Variants in ATAD2B observed in about 807,000 individuals in gnomAD.
ATAD2B encodes the protein ATPase family AAA domain-containing protein 2B.
A neutral mutation model predicts 167.6 loss-of-function variants in ATAD2B; 40 were observed. The observed-to-expected ratio is 0.24, with a 90% confidence interval of 0.19 to 0.31. The LOEUF (loss-of-function observed/expected upper bound fraction) is 0.31, where lower values mean the gene tolerates loss of function less well. Ranked by LOEUF, ATAD2B falls within the 10% of genes least tolerant of loss-of-function variation. ATAD2B has a pLI of 1.00. For missense variants in ATAD2B, 1,242 were observed against 1,757.2 expected, an observed-to-expected ratio of 0.71 and a Z score of 5.24; for synonymous variants, 579 against 596.5, an observed-to-expected ratio of 0.97 and a Z score of 0.43.
chr2:23,784,395 T>G (rs867301954), intron 21 of ATAD2B, among the ~76,000 whole-genome samples: 1 of 152,104 alleles, frequency 6.6e-6, no homozygotes, highest in African/African-American at 2.4e-5. Context: ...GAGACTCCTA[T>G]GTTCTCAGCT....
chr2:23,682,380 G>A, the ATAD2B span, among the ~76,000 whole-genome samples: 2 of 152,154 alleles, frequency 1.3e-5, no homozygotes, highest in Admixed American at 6.5e-5. The surrounding 1 kb of genome is among the most constrained non-coding windows in gnomAD (Gnocchi z 4.1). Flanking sequence ...GAGGCCCAGT[G>A]CAGGTTCACC....
the ATAD2B span, among the ~76,000 whole-genome samples, chr2:23,701,792 G>T: frequency 0.19 from 6,561 of 34,920 alleles, 701 homozygotes; most frequent in East Asian, 0.42. Flanking sequence ...GCTTTTTTTT[G>T]CTTTTTTTTT....
At chr2:23,773,330 A>G (rs941713654) in intron 22 of ATAD2B, among the ~76,000 whole-genome samples, 2 of 151,922 alleles carry the variant, frequency 1.3e-5, no homozygotes, top group African/African-American at 2.4e-5. Flanking sequence ...ACATAGGGAG[A>G]CCCCATCTCT....
intron 22 of ATAD2B, among the ~76,000 whole-genome samples, chr2:23,779,152 G>A (rs1379301444): frequency 1.3e-5 from 2 of 150,258 alleles, no homozygotes; most frequent in East Asian, 3.9e-4. Context: ...TGATGCTGTT[G>A]GTATAATTTT....
intron 22 of ATAD2B, among the ~76,000 whole-genome samples, chr2:23,781,236 C>T (rs1331803549): frequency 6.6e-6 from 1 of 151,952 alleles, no homozygotes; most frequent in Non-Finnish European, 1.5e-5. Flanking sequence ...TCAGACAAGG[C>T]CACCCTGTGC....
At chr2:23,696,545 C>T in the ATAD2B span, 3 of 1,459,712 alleles carry the variant, frequency 2.1e-6, no homozygotes, top group Non-Finnish European at 2.7e-6. This position sits in a 1 kb window ranked among gnomAD's most constrained non-coding sequence, Gnocchi z 5.5. Flanking sequence ...CAGGGGCATG[C>T]TCTTTGCTCA....
the ATAD2B span, among the ~76,000 whole-genome samples, chr2:23,742,143 T>C: frequency 6.6e-6 from 1 of 152,208 alleles, no homozygotes; most frequent in Non-Finnish European, 1.5e-5. Context: ...GAAGTCAGTG[T>C]GGCGATTCCT....
chr2:23,842,064 G>A (rs557345097), intron 13 of ATAD2B, among the ~76,000 whole-genome samples: 1 of 152,134 alleles, frequency 6.6e-6, no homozygotes, highest in Admixed American at 6.5e-5. Flanking sequence ...TTGCCAATCT[G>A]ACAATCTTTG....
chr2:23,733,182 T>C, the ATAD2B span, among the ~76,000 whole-genome samples: 1 of 152,206 alleles, frequency 6.6e-6, no homozygotes, highest in African/African-American at 2.4e-5. Flanking sequence ...CCTGTGTCCC[T>C]GTCTAGTTAT....
chr2:23,771,983 G>A (rs1381172845), intron 22 of ATAD2B, among the ~76,000 whole-genome samples: 1 of 152,148 alleles, frequency 6.6e-6, no homozygotes, highest in Non-Finnish European at 1.5e-5. Context: ...ATATGCCTGG[G>A]CTGCTCCTCC....
At chr2:23,711,220 C>A in the ATAD2B span, among the ~76,000 whole-genome samples, 1 of 151,170 alleles carries the variant, frequency 6.6e-6, no homozygotes, top group Non-Finnish European at 1.5e-5. Context: ...GAATTGCAGG[C>A]AATTTTTCTT....
At chr2:23,797,928 C>T (rs957817415) in intron 19 of ATAD2B, among the ~76,000 whole-genome samples, 1 of 152,042 alleles carries the variant, frequency 6.6e-6, no homozygotes, top group Non-Finnish European at 1.5e-5. Flanking sequence ...TTATCTCAAT[C>T]TTTATAACAA....
chr2:23,836,784 T>C (rs1690051977), intron 13 of ATAD2B, among the ~76,000 whole-genome samples: 1 of 151,894 alleles, frequency 6.6e-6, no homozygotes, highest in African/African-American at 2.4e-5. Flanking sequence ...AGGGGGTAGC[T>C]CCTCTCTGAA....
chr2:23,757,169 C>T (rs888182402), intron 25 of ATAD2B, among the ~76,000 whole-genome samples: 1 of 152,088 alleles, frequency 6.6e-6, no homozygotes, highest in South Asian at 2.1e-4. Context: ...GAAGAGTAAG[C>T]GGCCAGTAAA....
chr2:23,694,383 C>T, the ATAD2B span, among the ~76,000 whole-genome samples: 2 of 152,200 alleles, frequency 1.3e-5, no homozygotes, highest in East Asian at 3.9e-4. Flanking sequence ...TTCCTCCTCT[C>T]GCCAGGATTA....
intron 8 of ATAD2B, chr2:23,872,955 G>A (rs1251255650): frequency 9.3e-6 from 7 of 750,810 alleles, no homozygotes; most frequent in Non-Finnish European, 1.5e-5. Flanking sequence ...CGCTGAAGCA[G>A]TTCTCCAGGT....
chr2:23,844,821 TAATG>T (rs1379334782), intron 13 of ATAD2B, among the ~76,000 whole-genome samples: 4 of 149,480 alleles, frequency 2.7e-5, no homozygotes, highest in Non-Finnish European at 6.0e-5. Context: ...ACAGAAAAAA[TAATG>T]AAGAAATAGT....
rs1433241288 is a variant in ATAD2B, at chr2:23,884,893, G to C, written c.676-20C>G. On this transcript the variant is annotated intron_variant, in intron 5 of 27. Coordinates refer to ENST00000238789, the MANE Select transcript of ATAD2B (RefSeq NM_017552.4). ...GTTTTCCTTTTAAAGAAAGAAATCT[G>C]TCAAATAGCAACATGACATTTATTC... 3 of 1,434,688 alleles carry C rather than the reference G, an allele frequency of 2.1e-6. No individual in the cohort carries two copies. Among genetic ancestry groups the C allele is most frequent in the Non-Finnish European group, 2.8e-6 (3 of 1,057,328 alleles). 88.9% of individuals were successfully genotyped at this position (1,434,688 alleles called of 1,614,324 possible).
rs1395288062 is a variant in ATAD2B, at chr2:23,874,138, G to T, written c.977+1691C>A. On this transcript the variant is annotated intron_variant, in intron 8 of 27. Coordinates refer to ENST00000238789, the MANE Select transcript of ATAD2B (RefSeq NM_017552.4). ...GGAGGCGGAGGTTGCAGTGAGCCGA[G>T]ATCACGTCACTGCACTCCAGCCTTG... is the stretch of plus-strand genomic sequence containing the variant. 2.0e-5 allele frequency among the ~76,000 whole-genome samples: 3 copies of T among 151,708 alleles called. No homozygotes were observed. The South Asian group carries it at 6.2e-4, about 32-fold the overall frequency.
Sources: gnomAD v4.1 joint callset for allele counts (sites outside exome capture counted in the v4.1 genomes callset) on GRCh38, gnomAD v4.1.1 for gene constraint, Gnocchi (gnomAD v3.1) non-coding constraint, MANE v1.5 for transcripts, NCBI Gene and HGNC (gene_info 2026-07-23, HGNC 2026-07-21) for gene names.